PDCD11: variants seen among roughly 807,000 people sequenced by gnomAD.
The protein encoded by PDCD11 is programmed cell death 11, also known as protein RRP5 homolog.
Under a neutral mutation model 198.9 loss-of-function variants are expected in PDCD11, and 97 were observed. That is an observed-to-expected ratio of 0.49 (90% CI 0.41 to 0.58). The LOEUF (loss-of-function observed/expected upper bound fraction) is 0.58. Among genes scored for constraint, PDCD11 ranks in the 20% least tolerant of loss-of-function variants. The pLI is 0.00. For synonymous variants in PDCD11, 893 were observed against 918.0 expected, an observed-to-expected ratio of 0.97 and a Z score of 0.49; for missense variants, 2,102 against 2,312.7, an observed-to-expected ratio of 0.91 and a Z score of 1.87.
chr10:103,413,891 C>T, intron 9 of PDCD11, 75 bp from the exon 10 acceptor site: 1 of 1,420,266 alleles, frequency 7.0e-7, no homozygotes, highest in Non-Finnish European at 9.5e-7. Context: ...GTTGAGTCCT[C>T]TCTATGGGCT....
chr10:103,403,882 G>T (rs1466469022), intron 4 of PDCD11, among the ~76,000 whole-genome samples: 1 of 152,190 alleles, frequency 6.6e-6, no homozygotes, highest in Non-Finnish European at 1.5e-5. Context: ...GGGGCAGATA[G>T]AGGTGTCAGG....
At chr10:103,424,900 C>T (rs1411590090) in intron 19 of PDCD11, 84 bp from the exon 20 acceptor site, 45 of 1,502,544 alleles carry the variant, frequency 3.0e-5, no homozygotes, top group East Asian at 6.8e-5. Flanking sequence ...AGGGTTTCCT[C>T]AGCCACACCC....
At position 103,439,848 on chromosome 10, in the gene PDCD11, G is replaced by A; in HGVS notation, c.4128G>A (p.Leu1376=). 1 of 1,614,148 alleles carries A rather than the reference G, an allele frequency of 6.2e-7. No individual in the cohort carries two copies. Among genetic ancestry groups the A allele is most frequent in the Non-Finnish European group, 8.5e-7 (1 of 1,180,010 alleles). ...LYNKHLPEGK[L]LTARVLRLNH... Reference sequence around the variant, plus strand: ...ACAAACACCTCCCTGAAGGGAAGCTGCTCACAGCCAGGGTCCTACGGTAGG... The same window carrying A: ...ACAAACACCTCCCTGAAGGGAAGCTACTCACAGCCAGGGTCCTACGGTAGG... The change falls in exon 28 of 36, where the codon CTG becomes CTA. Residue 1376 remains leucine, a synonymous_variant. Coordinates refer to ENST00000369797, the MANE Select transcript of PDCD11 (RefSeq NM_014976.2).
intron 19 of PDCD11, among the ~76,000 whole-genome samples, chr10:103,423,953 G>A (rs995781134): frequency 7.9e-5 from 12 of 152,186 alleles, no homozygotes; most frequent in Non-Finnish European, 1.5e-4. Context: ...GGACTCTGAC[G>A]AGCTGGAGAG....
intron 25 of PDCD11, among the ~76,000 whole-genome samples, chr10:103,436,647 G>A (rs1182106738): frequency 2.6e-5 from 4 of 152,196 alleles, no homozygotes; most frequent in African/African-American, 4.8e-5. Context: ...GAGACAGCCA[G>A]GATCATCTCT....
At chr10:103,419,434 A>C in intron 15 of PDCD11, 104 bp from the exon 16 acceptor site, 3 of 1,246,512 alleles carry the variant, frequency 2.4e-6, no homozygotes, top group Non-Finnish European at 3.4e-6. Context: ...CTGTAGCAGC[A>C]GAGATCAGCC....
intron 7 of PDCD11, among the ~76,000 whole-genome samples, chr10:103,408,491 C>T (rs1459412097): frequency 1.3e-5 from 2 of 151,820 alleles, no homozygotes; most frequent in Non-Finnish European, 2.9e-5. Flanking sequence ...AGTCTATGTG[C>T]CTGTGTGGGA....
chr10:103,430,413 C>T (rs1042650338), intron 21 of PDCD11, among the ~76,000 whole-genome samples: 3 of 152,234 alleles, frequency 2.0e-5, no homozygotes, highest in Admixed American at 6.5e-5. Context: ...GTGAATAGTG[C>T]TGCATTGAAC....
At chr10:103,427,021 A>G (rs988104014) in intron 20 of PDCD11, among the ~76,000 whole-genome samples, 1 of 151,996 alleles carries the variant, frequency 6.6e-6, no homozygotes, top group Non-Finnish European at 1.5e-5. Context: ...AGCTGGGAGG[A>G]TTGCTTGAGC....
chr10:103,430,426 G>T (rs752283448), intron 21 of PDCD11, among the ~76,000 whole-genome samples: 3 of 152,218 alleles, frequency 2.0e-5, no homozygotes, highest in Non-Finnish European at 2.9e-5. Context: ...CATTGAACAT[G>T]AGTGTGCAAA....
chr10:103,424,861 C>T, intron 19 of PDCD11, 123 bp from the exon 20 acceptor site: 1 of 1,064,200 alleles, frequency 9.4e-7, no homozygotes, highest in Non-Finnish European at 1.4e-6. Context: ...CTCAGACCAG[C>T]CTTGAGTTCC....
In PDCD11 at chr10:103,440,332, C is replaced by T. The variant is rs777353452; in HGVS notation, c.4191C>T (p.Pro1397=). The T allele has an allele frequency of 2.5e-5, 40 of 1,614,022 alleles. No individual in the cohort carries two copies. Among genetic ancestry groups the T allele is most frequent in the Middle Eastern group, 1.6e-4 (1 of 6,084 alleles). Residue 1397 remains proline, a synonymous_variant, in exon 29 of 36, where the codon CCC becomes CCT. Transcript: ENST00000369797. ...ACCTGGTAGAGCTGTCTTTCCTCCC[C>T]GGAGACACTGGGAAGCCAGACGTGC... ...QKNLVELSFL[P]GDTGKPDVLS...
At chr10:103,408,721 G>A (rs1000940604) in intron 7 of PDCD11, among the ~76,000 whole-genome samples, 13 of 151,814 alleles carry the variant, frequency 8.6e-5, no homozygotes, top group Admixed American at 6.6e-4. Flanking sequence ...TTGTATTTTT[G>A]TAGAGACAGG....
At chr10:103,428,387 A>G (rs1048000133) in intron 21 of PDCD11, among the ~76,000 whole-genome samples, 6 of 151,974 alleles carry the variant, frequency 3.9e-5, no homozygotes, top group Admixed American at 3.9e-4. Flanking sequence ...ACTTCAAAGT[A>G]AGCCCTAAAC....
chr10:103,417,544 T>A (rs886508335), intron 13 of PDCD11, among the ~76,000 whole-genome samples: 1 of 152,214 alleles, frequency 6.6e-6, no homozygotes, highest in Non-Finnish European at 1.5e-5. Flanking sequence ...CTCCATCACC[T>A]CAAAAAGAAA....
At chr10:103,419,415 A>C in intron 15 of PDCD11, 123 bp from the exon 16 acceptor site, 3 of 1,081,422 alleles carry the variant, frequency 2.8e-6, no homozygotes, top group Non-Finnish European at 4.0e-6. Context: ...CTGCACACTT[A>C]GAGAATCGCT....
At position 103,420,969 on chromosome 10, in the gene PDCD11, G is replaced by A. The variant is rs1263638356; in HGVS notation, c.2278-379G>A. ...CGGCTTACAGCAACCTCTGCCTCCCGGATTCAAGTGATTCTCCTGCCCCAG... is the reference window on the plus strand; with the variant it reads ...CGGCTTACAGCAACCTCTGCCTCCCAGATTCAAGTGATTCTCCTGCCCCAG... On this transcript the variant is annotated intron_variant, in intron 16 of 35. Coordinates refer to ENST00000369797, the MANE Select transcript of PDCD11 (RefSeq NM_014976.2). Among the ~76,000 whole-genome samples, 5 of 151,392 alleles carry A rather than the reference G, an allele frequency of 3.3e-5. No homozygotes were observed. The South Asian group carries it at 6.4e-4, about 19-fold the overall frequency.
At chr10:103,438,100 A>C (rs745899523) in intron 26 of PDCD11, 29 bp downstream of exon 26, 1 of 1,601,900 alleles carries the variant, frequency 6.2e-7, no homozygotes, top group Admixed American at 1.7e-5. Flanking sequence ...GGAAAAAGAA[A>C]GGAGGAAGAC....
chr10:103,425,794 C>T (rs2031672519), intron 20 of PDCD11, among the ~76,000 whole-genome samples: 2 of 152,134 alleles, frequency 1.3e-5, no homozygotes. Flanking sequence ...CTTCTCCTGC[C>T]TCAGCCTCCC....
Sources: allele counts gnomAD v4.1 joint callset (sites outside exome capture counted in the v4.1 genomes callset), GRCh38; gene constraint gnomAD v4.1.1; transcripts MANE v1.5; gene names NCBI Gene and HGNC (gene_info 2026-07-23, HGNC 2026-07-21).